DOCK7: variants seen among roughly 807,000 people sequenced by gnomAD.
DOCK7 encodes dedicator of cytokinesis protein 7.
Under a neutral mutation model 271.0 loss-of-function variants are expected in DOCK7, and 138 were observed. That is an observed-to-expected ratio of 0.51 (90% confidence interval 0.44 to 0.59). The LOEUF is 0.59. Ranked by LOEUF, DOCK7 falls within the 20% of genes least tolerant of loss-of-function variation. The probability of loss-of-function intolerance (pLI) is 0.00; values close to 1 mark genes in which losing one functional copy is unlikely to be tolerated. For missense variants in DOCK7, 2,066 were observed against 2,592.4 expected, an observed-to-expected ratio of 0.80 and a Z score of 4.41; for synonymous variants, 823 against 876.1, an observed-to-expected ratio of 0.94 and a Z score of 1.07.
chr1:62,605,137 T>C (rs1046249091), intron 14 of DOCK7: 7 of 241,866 alleles, frequency 2.9e-5, no homozygotes, highest in Non-Finnish European at 4.9e-5. Flanking sequence ...TTTAGAGACT[T>C]TTATTTTAAA....
intron 42 of DOCK7, chr1:62,487,869 A>G (rs894571853): frequency 6.3e-6 from 1 of 158,880 alleles, no homozygotes; most frequent in Non-Finnish European, 1.4e-5. Flanking sequence ...AACTGGCTTG[A>G]GGTTCCTGTG....
chr1:62,517,617 C>T (rs909112973), intron 31 of DOCK7, among the ~76,000 whole-genome samples: 3 of 151,744 alleles, frequency 2.0e-5, no homozygotes, highest in Non-Finnish European at 4.4e-5. Flanking sequence ...ACAAAAAAAC[C>T]ACCTCCATTT....
intron 31 of DOCK7, among the ~76,000 whole-genome samples, chr1:62,527,219 G>A (rs1645036353): frequency 6.6e-6 from 1 of 151,896 alleles, no homozygotes; most frequent in Admixed American, 6.6e-5. Context: ...TTTAAGAGGG[G>A]AAAAGTTCAG....
chr1:62,468,256 G>A (rs1645733185), intron 48 of DOCK7, among the ~76,000 whole-genome samples: 1 of 149,558 alleles, frequency 6.7e-6, no homozygotes, highest in African/African-American at 2.5e-5. Context: ...AGCAACTCAG[G>A]AAACTGAGGC....
At chr1:62,585,128 T>C (rs1434333417) in intron 15 of DOCK7, among the ~76,000 whole-genome samples, 2 of 152,020 alleles carry the variant, frequency 1.3e-5, no homozygotes, top group Non-Finnish European at 2.9e-5. Context: ...CAAAAATAAA[T>C]TCTACAATTA....
chr1:62,614,270 CT>C (rs1652170548), intron 14 of DOCK7, among the ~76,000 whole-genome samples: 2 of 151,904 alleles, frequency 1.3e-5, no homozygotes, highest in African/African-American at 4.8e-5. Flanking sequence ...TCATACATCC[CT>C]TTTCGTCATT....
intron 18 of DOCK7, among the ~76,000 whole-genome samples, chr1:62,562,814 CA>C (rs1357174381): frequency 5.9e-5 from 9 of 152,004 alleles, no homozygotes; most frequent in Non-Finnish European, 1.2e-4. Flanking sequence ...AGTGGAGAAA[CA>C]AAGCCCCAAG....
Position 62,475,800 on chromosome 1 carries a change from T to C in DOCK7, c.5868A>G (p.Glu1956=), listed in dbSNP as rs1489821248. 6.2e-7 allele frequency: 1 copy of C among 1,613,938 alleles called. No homozygotes were observed. The highest frequency in any genetic ancestry group is 8.5e-7 in the Non-Finnish European group (1 of 1,179,940). The stretch of plus-strand genomic sequence containing the variant: ...TCTTCCTTTTGAATTGTTCATGAAG[T>C]TCCCCATGGGCACGGCCATCTAAAG... ...PFTLDGRAHG[E]LHEQFKRKTI... is the part of the protein sequence containing the mutation. Residue 1956 remains glutamate, a synonymous_variant, in exon 46 of 50, where the codon GAA becomes GAG. Coordinates refer to ENST00000635253, the MANE Select transcript of DOCK7 (RefSeq NM_001367561.1).
Position 62,475,724 on chromosome 1 carries a change from C to T in DOCK7, c.5944G>A (p.Val1982Ile). ...AFPYIKTRVN[V>I]THKEEIILTP... ...GGACTTACCTCTTCTTTATGAGTGA[C>T]ATTGACCCTTGTTTTAATATAAGGA... Residue 1982 changes from valine (V) to isoleucine (I), a missense_variant, in exon 46 of 50, where the codon GTC (valine) becomes ATC (isoleucine). Val to Ile is a conservative substitution (Grantham distance 29). Transcript: ENST00000635253. 1 of 1,613,836 alleles carries T rather than the reference C, an allele frequency of 6.2e-7. No homozygotes were observed. Among genetic ancestry groups the T allele is most frequent in the Non-Finnish European group, 8.5e-7 (1 of 1,179,864 alleles).
intron 41 of DOCK7, among the ~76,000 whole-genome samples, chr1:62,489,373 T>C (rs1344356612): frequency 1.3e-5 from 2 of 152,012 alleles, no homozygotes; most frequent in African/African-American, 2.4e-5. Flanking sequence ...GGCGTGAACA[T>C]GGGAGGCGGA....
intron 14 of DOCK7, 85 bp from the exon 15 acceptor site, chr1:62,586,709 C>A (rs1647587402): frequency 1.3e-6 from 1 of 745,478 alleles, no homozygotes; most frequent in East Asian, 2.8e-5. Context: ...AAATAAGTGA[C>A]CAAATACTGA....
intron 14 of DOCK7, chr1:62,598,102 T>C (rs754825273): frequency 1.0e-5 from 15 of 1,503,106 alleles, no homozygotes; most frequent in Non-Finnish European, 1.3e-5. Context: ...ATGTTTTCAA[T>C]GTGGATCTTT....
chr1:62,683,912 G>A (rs1477000213), intron 1 of DOCK7, among the ~76,000 whole-genome samples: 1 of 151,842 alleles, frequency 6.6e-6, no homozygotes, highest in Non-Finnish European at 1.5e-5. Context: ...GGGCAACAGA[G>A]CGAGACCCTA....
At chr1:62,539,972 T>A (rs1645474064) in intron 25 of DOCK7, 80 bp from the exon 26 acceptor site, 1 of 949,906 alleles carries the variant, frequency 1.1e-6, no homozygotes, top group Admixed American at 3.5e-5. Context: ...GGACTATTTT[T>A]AAAATATGGC....
At position 62,510,677 on chromosome 1, in the gene DOCK7, T is replaced by C. The variant is rs17123688; in HGVS notation, c.4283-4A>G. Reference sequence around the variant, plus strand: ...GCACTTCCAGATGGGCTTCTCTCTGTCAAATAAATTTCAAAACCAATTTTC... The same window carrying C: ...GCACTTCCAGATGGGCTTCTCTCTGCCAAATAAATTTCAAAACCAATTTTC... On this transcript the variant is annotated splice_polypyrimidine_tract_variant and splice_region_variant and intron_variant, in intron 33 of 49. Coordinates refer to ENST00000635253, the MANE Select transcript of DOCK7 (RefSeq NM_001367561.1). 18,046 of 1,610,796 alleles carry C rather than the reference T, an allele frequency of 0.011. 687 individuals carry two copies. The highest frequency in any genetic ancestry group is 0.11 in the African/African-American group (8,214 of 74,844).
chr1:62,519,006 T>TACACACACACACACACAC (rs61224578), intron 31 of DOCK7, among the ~76,000 whole-genome samples: 85 of 148,232 alleles, frequency 5.7e-4, no homozygotes, highest in African/African-American at 2.0e-3. Flanking sequence ...AGTCATGCTA[T>TACACACACACACACACAC]ACACACACAC....
chr1:62,528,152 G>A lies in DOCK7; in HGVS notation c.3935C>T (p.Thr1312Met), dbSNP rs59558623. Residue 1312 changes from threonine to methionine, a missense_variant and splice_region_variant, in exon 31 of 50, where the codon ACG (threonine) becomes ATG (methionine). This residue lies in a region of DOCK7 where 1,414 missense variants were observed against 1,670.4 expected (regional missense o/e 0.85). Coordinates refer to ENST00000635253, the MANE Select transcript of DOCK7 (RefSeq NM_001367561.1). ...ATTCTGTAGGAGGATTGTTTTTACCGTTGACGTGAGGAGGAAACTGCCAGG... is the reference window on the plus strand; with the variant it reads ...ATTCTGTAGGAGGATTGTTTTTACCATTGACGTGAGGAGGAAACTGCCAGG... The part of the protein sequence containing the change: ...TRPGSFLLTS[T>M]SGRQHTTFSA... 368 of 1,607,520 alleles carry A rather than the reference G, an allele frequency of 2.3e-4. 1 individual carries two copies. In the African/African-American group the frequency reaches 4.3e-3, roughly 19 times the overall value.
rs1645615849 is a variant in DOCK7 at position 62,543,880 on chromosome 1, C to T, written c.2860-135G>A. ...AAAAACCATCTATTTTATTGCTCAT[C>T]TCATTTTCACCATGTTAAGCTGCTT... On this transcript the variant is annotated intron_variant, in intron 23 of 49. Coordinates refer to ENST00000635253, the MANE Select transcript of DOCK7 (RefSeq NM_001367561.1). 3 of 538,838 alleles carry T rather than the reference C, an allele frequency of 5.6e-6. No homozygotes were observed. The East Asian group carries it at 8.8e-5, about 16-fold the overall frequency. The allele number at this position is 538,838 out of a possible 1,614,324, so 33.4% of individuals were successfully genotyped here.
chr1:62,682,412 C>T (rs1661271534), intron 1 of DOCK7, among the ~76,000 whole-genome samples: 1 of 152,142 alleles, frequency 6.6e-6, no homozygotes, highest in Non-Finnish European at 1.5e-5. Context: ...CATTTAAACA[C>T]TTTATGTGTC....
Sources: gnomAD v4.1 joint callset for allele counts (sites outside exome capture counted in the v4.1 genomes callset) on GRCh38, gnomAD v4.1.1 for gene constraint, gnomAD v4.1.1 regional missense constraint, MANE v1.5 for transcripts, NCBI Gene and HGNC (gene_info 2026-07-23, HGNC 2026-07-21) for gene names.